OSER1: variants seen among roughly 807,000 people sequenced by gnomAD.
OSER1 encodes the protein oxidative stress responsive serine rich 1.
Under a neutral mutation model 26.3 loss-of-function variants are expected in OSER1, and 15 were observed. The observed-to-expected ratio is 0.57, with a 90% confidence interval of 0.38 to 0.88. The LOEUF (loss-of-function observed/expected upper bound fraction) is 0.88. Among genes scored for constraint, OSER1 ranks in the 40% least tolerant of loss-of-function variants. OSER1 has a pLI of 0.00. For synonymous variants in OSER1, 127 were observed against 128.2 expected, an observed-to-expected ratio of 0.99 and a Z score of 0.07; for missense variants, 313 against 353.9, an observed-to-expected ratio of 0.88 and a Z score of 0.93.
At chr20:44,204,134 T>G (rs1018462687) in intron 2 of OSER1, among the ~76,000 whole-genome samples, 5 of 152,216 alleles carry the variant, frequency 3.3e-5, no homozygotes, top group Non-Finnish European at 7.3e-5. Context: ...TTTTTGTAAA[T>G]TTTTCTATAA....
rs1235185522 is a variant in OSER1 at position 44,202,946 on chromosome 20, A to G, written c.191+15T>C. ...TAATATTGGAATAAAAATCATCTCAATAAGAAGCTCTTACCCGTGCCAACT... is the reference window on the plus strand; with the variant it reads ...TAATATTGGAATAAAAATCATCTCAGTAAGAAGCTCTTACCCGTGCCAACT... On this transcript the variant is annotated intron_variant, in intron 3 of 3. Coordinates refer to ENST00000255174, the MANE Select transcript of OSER1 (RefSeq NM_016470.8). 2.2e-6 allele frequency: 3 copies of G among 1,390,582 alleles called. No homozygotes were observed. The highest frequency in any genetic ancestry group is 2.3e-5 in the South Asian group (2 of 86,034). The allele number at this position is 1,390,582 out of a possible 1,614,324, so 86.1% of individuals were successfully genotyped here. A position where few individuals can be genotyped will look rare whatever the true frequency, so the allele number is the denominator to read the frequency against.
chr20:44,198,552 G>C (rs527246580), intron 3 of OSER1, among the ~76,000 whole-genome samples: 10 of 152,158 alleles, frequency 6.6e-5, no homozygotes, highest in Non-Finnish European at 1.5e-4. Context: ...CTGGGAGGCA[G>C]AGCTTGCAGT....
At chr20:44,208,422 T>TAAAAAA (rs3037689) in intron 1 of OSER1, among the ~76,000 whole-genome samples, 22,980 of 130,328 alleles carry the variant, frequency 0.18, 2,836 homozygotes, top group African/African-American at 0.35. Flanking sequence ...ATTCAGCTAC[T>TAAAAAA]AAAAAAAAAA....
At chr20:44,197,761 C>G in intron 3 of OSER1, 22 bp from the exon 4 acceptor site, 1 of 1,525,314 alleles carries the variant, frequency 6.6e-7, no homozygotes. Context: ...AAAAAATATA[C>G]AAGAAGATGT....
intron 1 of OSER1, among the ~76,000 whole-genome samples, chr20:44,208,333 T>C (rs184424556): frequency 3.3e-5 from 5 of 151,964 alleles, no homozygotes; most frequent in Admixed American, 3.3e-4. Context: ...GAATCAGGAC[T>C]TTTCACTTTA....
At position 44,197,516 on chromosome 20, in the gene OSER1, C is replaced by G; in HGVS notation, c.415G>C (p.Asp139His). 1 of 1,614,068 alleles carries G rather than the reference C, an allele frequency of 6.2e-7. No individual in the cohort carries two copies. Among genetic ancestry groups the G allele is most frequent in the South Asian group, 1.1e-5 (1 of 91,086 alleles). Residue 139 changes from aspartate (D) to histidine (H), a missense_variant, in exon 4 of 4, where the codon GAT (aspartate) becomes CAT (histidine). Asp to His is a moderately conservative substitution (Grantham distance 81, BLOSUM62 -1). Coordinates refer to ENST00000255174, the MANE Select transcript of OSER1 (RefSeq NM_016470.8). Reference protein sequence around the residue: ...FSAGESSTSLDANHTGAVVEP... With the variant: ...FSAGESSTSLHANHTGAVVEP... The stretch of plus-strand genomic sequence containing the variant: ...ACGACTGCCCCTGTGTGATTAGCAT[C>G]GAGAGAAGTAGAGCTTTCTCCTGCA...
At chr20:44,200,767 G>A (rs1055448051) in intron 3 of OSER1, among the ~76,000 whole-genome samples, 1 of 152,216 alleles carries the variant, frequency 6.6e-6, no homozygotes, top group Non-Finnish European at 1.5e-5. Context: ...GAGACACTCT[G>A]TAGCAAAACT....
At chr20:44,206,287 C>T (rs1351853562) in intron 2 of OSER1, among the ~76,000 whole-genome samples, 1 of 152,090 alleles carries the variant, frequency 6.6e-6, no homozygotes, top group Non-Finnish European at 1.5e-5. Context: ...TTTATTTTGG[C>T]CTGGGAGAAA....
rs1455460698 is a variant in OSER1, at chr20:44,197,232, T to G, written c.699A>C (p.Thr233=). 1.2e-6 allele frequency: 2 copies of G among 1,614,122 alleles called. No homozygotes were observed. The highest frequency in any genetic ancestry group is 1.6e-4 in the Middle Eastern group (1 of 6,062). The change falls in exon 4 of 4, where the codon ACA becomes ACC. Residue 233 remains threonine (T), a synonymous_variant. Transcript: ENST00000255174. ...VPPLAPERRS[T]LEDYSQSLHA... is the part of the protein sequence containing the mutation. Reference sequence around the variant, plus strand: ...GCAGCGACTGAGAGTAGTCCTCAAGTGTGGATCTTCGTTCTGGAGCCAAGG... The same window carrying G: ...GCAGCGACTGAGAGTAGTCCTCAAGGGTGGATCTTCGTTCTGGAGCCAAGG...
intron 3 of OSER1, among the ~76,000 whole-genome samples, chr20:44,200,697 A>G (rs193180480): frequency 3.3e-5 from 5 of 152,264 alleles, no homozygotes; most frequent in African/African-American, 9.6e-5. Flanking sequence ...TTCTGAATTG[A>G]TAAGAGAATC....
intron 3 of OSER1, among the ~76,000 whole-genome samples, chr20:44,200,144 C>A (rs1223458991): frequency 1.3e-5 from 2 of 152,214 alleles, no homozygotes; most frequent in African/African-American, 2.4e-5. Flanking sequence ...TAGCTAACAT[C>A]TACATGTTGG....
chr20:44,197,746 A>G lies in OSER1; in HGVS notation c.192-7T>C. ...TGAAGACTTCCTTGTAGACCTAAAG[A>G]GGAAAAAAAATATACAAGAAGATGT... On this transcript the variant is annotated splice_polypyrimidine_tract_variant and splice_region_variant and intron_variant, in intron 3 of 3. Transcript: ENST00000255174. The G allele has an allele frequency of 5.0e-6, 8 of 1,585,522 alleles. No homozygotes were observed. The highest frequency in any genetic ancestry group is 6.9e-6 in the Non-Finnish European group (8 of 1,157,782).
At chr20:44,197,847 G>C in intron 3 of OSER1, 108 bp from the exon 4 acceptor site, 1 of 680,746 alleles carries the variant, frequency 1.5e-6, no homozygotes, top group Admixed American at 2.9e-5. Context: ...ATGAGTCTAA[G>C]CTCATAAATT....
At chr20:44,204,064 T>C (rs1038308189) in intron 2 of OSER1, among the ~76,000 whole-genome samples, 8 of 152,256 alleles carry the variant, frequency 5.3e-5, no homozygotes, top group Non-Finnish European at 1.0e-4. Flanking sequence ...ACCAGTGGTC[T>C]AGATGTTAAC....
In OSER1 at chr20:44,195,942, T is replaced by C. The variant is rs1252226546; in HGVS notation, c.*1110A>G. ...GAATCAACCACAGCCAGCGCAGTTT[T>C]AGTAAATAGTATAAATGTATTTTGT... On this transcript the variant is annotated 3_prime_UTR_variant, in exon 4 of 4. Transcript: ENST00000255174. Among the ~76,000 whole-genome samples the C allele has an allele frequency of 1.3e-5, 2 of 152,206 alleles. No individual in the cohort carries two copies. The highest frequency in any genetic ancestry group is 6.5e-5 in the Admixed American group (1 of 15,286).
chr20:44,206,827 T>G (rs1407655899), intron 2 of OSER1, 54 bp downstream of exon 2: 2 of 760,286 alleles, frequency 2.6e-6, no homozygotes, highest in African/African-American at 3.5e-5. Context: ...GAAAAGGGAC[T>G]ATTTAAAATA....
chr20:44,198,606 G>A (rs1392010100), intron 3 of OSER1, among the ~76,000 whole-genome samples: 4 of 151,298 alleles, frequency 2.6e-5, no homozygotes, highest in Admixed American at 6.6e-5. Context: ...GCAACAGAGC[G>A]AGACTCCGTC....
chr20:44,197,412 G>A lies in OSER1; in HGVS notation c.519C>T (p.Pro173=), dbSNP rs759740060. The change falls in exon 4 of 4, where the codon CCC becomes CCT. Residue 173 remains proline, a synonymous_variant. Coordinates refer to ENST00000255174, the MANE Select transcript of OSER1 (RefSeq NM_016470.8). ...KEDSSDATQV[P]QASLKASDLS... is the part of the protein sequence containing the mutation. ...GATCACTGGCTTTGAGACTTGCTTG[G>A]GGGACTTGGGTAGCGTCAGAGGAGT... is the stretch of plus-strand genomic sequence containing the variant. 6.2e-7 allele frequency: 1 copy of A among 1,614,100 alleles called. No individual in the cohort carries two copies. Among genetic ancestry groups the A allele is most frequent in the Non-Finnish European group, 8.5e-7 (1 of 1,180,034 alleles).
At position 44,196,973 on chromosome 20, in the gene OSER1, TG is replaced by T; in HGVS notation, c.*78del. ...GAAAGAGATGTCTTCTCACACAAAG[TG>T]GCCACAAGGTCTGCCATTAACTAAA... On this transcript the variant is annotated 3_prime_UTR_variant, in exon 4 of 4. Coordinates refer to ENST00000255174, the MANE Select transcript of OSER1 (RefSeq NM_016470.8). 1.0e-6 allele frequency: 1 copy of T among 963,362 alleles called. No individual in the cohort carries two copies. Among genetic ancestry groups the T allele is most frequent in the African/African-American group, 1.6e-5 (1 of 62,088 alleles). The allele number at this position is 963,362 out of a possible 1,614,324, so 59.7% of individuals were successfully genotyped here.
Sources: gnomAD v4.1 joint callset for allele counts (sites outside exome capture counted in the v4.1 genomes callset) on GRCh38, gnomAD v4.1.1 for gene constraint, MANE v1.5 for transcripts, NCBI Gene and HGNC (gene_info 2026-07-23, HGNC 2026-07-21) for gene names.